ZFHX3: variants seen among roughly 807,000 people sequenced by gnomAD.
ZFHX3 encodes the protein zinc finger homeobox protein 3.
ZFHX3 carries 42 observed loss-of-function variants against 279.1 expected under a neutral mutation model. That is an observed-to-expected ratio of 0.15 (90% CI 0.12 to 0.19). ZFHX3 has a LOEUF of 0.19. Ranked by LOEUF, ZFHX3 falls within the 10% of genes least tolerant of loss-of-function variation. The probability of loss-of-function intolerance (pLI) is 1.00; values close to 1 mark genes in which losing one functional copy is unlikely to be tolerated. For missense variants in ZFHX3, 4,981 were observed against 4,754.0 expected, an observed-to-expected ratio of 1.05 and a Z score of -1.40; for synonymous variants, 2,293 against 1,957.8, an observed-to-expected ratio of 1.17 and a Z score of -4.52.
intron 2 of ZFHX3, among the ~76,000 whole-genome samples, chr16:73,560,561 G>A (rs1449800308): frequency 1.3e-5 from 2 of 152,050 alleles, no homozygotes; most frequent in African/African-American, 4.8e-5. Context: ...CATCTTAATT[G>A]CTAGGCGGGT....
intron 1 of ZFHX3, among the ~76,000 whole-genome samples, chr16:73,824,261 G>T (rs944013112): frequency 6.6e-6 from 1 of 152,086 alleles, no homozygotes; most frequent in Non-Finnish European, 1.5e-5. Context: ...ATCTTATCAG[G>T]ACAGAGTTGC....
intron 2 of ZFHX3, among the ~76,000 whole-genome samples, chr16:73,618,468 GA>G (rs547198243): frequency 1.6e-4 from 24 of 152,300 alleles, no homozygotes; most frequent in Admixed American, 1.5e-3. Flanking sequence ...TGAGGACACT[GA>G]AGCTTAGAAA....
At chr16:73,475,556 C>T (rs1268832050) in intron 2 of ZFHX3, among the ~76,000 whole-genome samples, 1 of 151,996 alleles carries the variant, frequency 6.6e-6, no homozygotes, top group African/African-American at 2.4e-5. Flanking sequence ...TACTCTTCCT[C>T]AAAGTTGCAC....
At chr16:73,536,445 A>G (rs2019903076) in intron 2 of ZFHX3, among the ~76,000 whole-genome samples, 1 of 152,200 alleles carries the variant, frequency 6.6e-6, no homozygotes, top group Non-Finnish European at 1.5e-5. Flanking sequence ...CATCACTTTC[A>G]TTATTCTTGC....
At chr16:72,851,417 G>A (rs919908896) in intron 4 of ZFHX3, among the ~76,000 whole-genome samples, 4 of 152,188 alleles carry the variant, frequency 2.6e-5, no homozygotes, top group African/African-American at 4.8e-5. Flanking sequence ...TCCAGAGAGA[G>A]TACTCTTGGG....
chr16:73,328,138 T>C (rs2015730528), intron 3 of ZFHX3, among the ~76,000 whole-genome samples: 1 of 152,170 alleles, frequency 6.6e-6, no homozygotes, highest in South Asian at 2.1e-4. Flanking sequence ...AGGTCTTAAA[T>C]TGTTTTAAAA....
rs373464063 is a variant in ZFHX3 at position 72,957,457 on chromosome 16, C to A, written c.2689G>T (p.Gly897Trp). 3 of 1,612,874 alleles carry A rather than the reference C, an allele frequency of 1.9e-6. No homozygotes were observed. The highest frequency in any genetic ancestry group is 1.7e-5 in the Admixed American group (1 of 59,944). Residue 897 changes from glycine to tryptophan, a missense_variant, in exon 2 of 10, where the codon GGG becomes TGG. Physicochemically the swap from Gly to Trp is radical, Grantham distance 184. Coordinates refer to ENST00000268489, the MANE Select transcript of ZFHX3 (RefSeq NM_006885.4). Reference sequence around the variant, plus strand: ...GCAGGCGTCATGGCGGCCATGGGCCCGGCGGGATCCAGCTGGAATCCGCTC... The same window carrying A: ...GCAGGCGTCATGGCGGCCATGGGCCAGGCGGGATCCAGCTGGAATCCGCTC... ...MMSGFQLDPAGPMAAMTPALV... is the reference protein window; with the variant it reads ...MMSGFQLDPAWPMAAMTPALV...
chr16:72,796,042 G>A lies in ZFHX3; in HGVS notation c.6640C>T (p.Pro2214Ser), dbSNP rs1355965062. The A allele has an allele frequency of 6.2e-7, 1 of 1,614,198 alleles. No individual in the cohort carries two copies. Among genetic ancestry groups the A allele is most frequent in the Non-Finnish European group, 8.5e-7 (1 of 1,180,040 alleles). ...NKDSPYNFSN[P>S]PITSLEELKI... is the part of the protein sequence containing the mutation. Reference sequence around the variant, plus strand: ...AGCTCCTCCAGGCTGGTGATAGGAGGATTACTGAAGTTGTAAGGGGAGTCC... The same window carrying A: ...AGCTCCTCCAGGCTGGTGATAGGAGAATTACTGAAGTTGTAAGGGGAGTCC... Residue 2214 changes from proline (P) to serine (S), a missense_variant, in exon 9 of 10, where the codon CCT becomes TCT. Transcript: ENST00000268489.
intron 1 of ZFHX3, among the ~76,000 whole-genome samples, chr16:73,685,215 A>G (rs1278996418): frequency 6.7e-6 from 1 of 150,082 alleles, no homozygotes; most frequent in Non-Finnish European, 1.5e-5. Context: ...ACAGGGTTTC[A>G]CCGTGTTGGC....
At chr16:73,209,311 G>C (rs2011921152) in intron 5 of ZFHX3, among the ~76,000 whole-genome samples, 1 of 152,158 alleles carries the variant, frequency 6.6e-6, no homozygotes, top group Non-Finnish European at 1.5e-5. Flanking sequence ...TGTGCTGCTA[G>C]AACAGAATAC....
At chr16:72,837,313 G>T (rs765699597) in intron 4 of ZFHX3, among the ~76,000 whole-genome samples, 38 of 152,134 alleles carry the variant, frequency 2.5e-4, no homozygotes, top group Admixed American at 2.4e-3. Context: ...AAACAAAGTG[G>T]CCAAACTGCT....
intron 3 of ZFHX3, among the ~76,000 whole-genome samples, chr16:73,428,552 T>C (rs945612831): frequency 3.3e-5 from 5 of 152,166 alleles, no homozygotes; most frequent in African/African-American, 1.2e-4. Flanking sequence ...CAGCCAGGCA[T>C]GCAGGGTCGA....
chr16:73,334,546 G>T (rs1410391486), intron 3 of ZFHX3, among the ~76,000 whole-genome samples: 2 of 152,062 alleles, frequency 1.3e-5, no homozygotes, highest in African/African-American at 2.4e-5. Context: ...GTCCGCTGCA[G>T]CCCCCGAGGT....
At chr16:72,802,096 G>A (rs952047413) in intron 7 of ZFHX3, among the ~76,000 whole-genome samples, 6 of 151,968 alleles carry the variant, frequency 3.9e-5, no homozygotes, top group Non-Finnish European at 7.4e-5. Context: ...AGAAAACTGT[G>A]GGCTTTTCAT....
At chr16:73,370,207 C>T (rs753247647) in intron 3 of ZFHX3, among the ~76,000 whole-genome samples, 4 of 152,218 alleles carry the variant, frequency 2.6e-5, no homozygotes, top group African/African-American at 9.7e-5. Context: ...ATGGTGATGG[C>T]TTTCATGCCA....
chr16:72,958,145 C>T lies in ZFHX3; in HGVS notation c.2001G>A (p.Ser667=), dbSNP rs149242080. The part of the protein sequence containing the change: ...GHMTMMHSRN[S]CKTLKCPKCN... Reference sequence around the variant, plus strand: ...ACTTGGGGCACTTGAGTGTCTTACACGAGTTACGAGAATGCATCATGGTCA... The same window carrying T: ...ACTTGGGGCACTTGAGTGTCTTACATGAGTTACGAGAATGCATCATGGTCA... The change falls in exon 2 of 10, where the codon TCG becomes TCA. Residue 667 remains serine (S), a synonymous_variant. Transcript: ENST00000268489. 1.7e-4 allele frequency: 267 copies of T among 1,614,078 alleles called. No homozygotes were observed. The African/African-American group carries it at 2.2e-3, about 13-fold the overall frequency.
intron 3 of ZFHX3, among the ~76,000 whole-genome samples, chr16:73,377,017 T>G (rs2143355559): frequency 6.7e-6 from 1 of 148,716 alleles, no homozygotes; most frequent in African/African-American, 2.5e-5. Context: ...TGTTGCCCAG[T>G]CTGGACTGCA....
At chr16:73,821,315 G>A (rs947749929) in intron 1 of ZFHX3, among the ~76,000 whole-genome samples, 2 of 152,132 alleles carry the variant, frequency 1.3e-5, no homozygotes, top group East Asian at 1.9e-4. Flanking sequence ...GAATGTGGTC[G>A]GCAGCACACT....
At chr16:72,978,003 C>T (rs2144531218) in intron 1 of ZFHX3, among the ~76,000 whole-genome samples, 1 of 152,060 alleles carries the variant, frequency 6.6e-6, no homozygotes, top group Non-Finnish European at 1.5e-5. Flanking sequence ...TAGCTGGGAC[C>T]ACAGGCGCAC....
Sources: gnomAD v4.1 joint callset for allele counts (sites outside exome capture counted in the v4.1 genomes callset) on GRCh38, gnomAD v4.1.1 for gene constraint, MANE v1.5 for transcripts, NCBI Gene and HGNC (gene_info 2026-07-23, HGNC 2026-07-21) for gene names.